The following MAST2 variants were observed in gnomAD, a reference collection of about 807,000 sequenced individuals.
MAST2 encodes microtubule-associated serine/threonine-protein kinase 2.
MAST2 carries 70 observed loss-of-function variants against 147.4 expected under a neutral mutation model. That is an observed-to-expected ratio of 0.47 (90% CI 0.39 to 0.58). MAST2 has a LOEUF of 0.58. Among genes scored for constraint, MAST2 ranks in the 20% least tolerant of loss-of-function variants. The probability of loss-of-function intolerance (pLI) is 0.00; values close to 1 mark genes in which losing one functional copy is unlikely to be tolerated. For synonymous variants in MAST2, 869 were observed against 896.8 expected (o/e 0.97, Z 0.55); for missense variants, 2,080 against 2,302.3 (o/e 0.90, Z 1.98).
Position 46,034,967 on chromosome 1 carries a change from C to T in MAST2, c.4298C>T (p.Pro1433Leu), listed in dbSNP as rs1557526524. ...TCTCGCAAGCACAGCCTTGACCTGC[C>T]CCACTCTGAACTAAAGAAGGAACTG... Reference protein sequence around the residue: ...ATSRKHSLDLPHSELKKELPP... With the variant: ...ATSRKHSLDLLHSELKKELPP... Residue 1433 changes from proline (P) to leucine (L), a missense_variant, in exon 29 of 29, where the codon CCC becomes CTC. By Grantham distance (98) the Pro-to-Leu change is moderately conservative. This residue lies in a region of MAST2 where 1,278 missense variants were observed against 1,304.2 expected (regional missense o/e 0.98). Transcript: ENST00000361297. The T allele has an allele frequency of 6.2e-7, 1 of 1,613,962 alleles. No individual in the cohort carries two copies. Among genetic ancestry groups the T allele is most frequent in the Non-Finnish European group, 8.5e-7 (1 of 1,180,042 alleles).
chr1:45,941,668 C>CTATTTGTTTTTT (rs58795618), intron 4 of MAST2, among the ~76,000 whole-genome samples: 119,538 of 151,714 alleles, frequency 0.79, 47,453 homozygotes, highest in East Asian at 0.97. Flanking sequence ...TTGTTTATTC[C>CTATTTGTTTTTT]TATTTGTTTT....
In MAST2 at chr1:46,006,384, C is replaced by T; in HGVS notation, c.891C>T (p.Ser297=). Residue 297 remains serine (S), a synonymous_variant, in exon 8 of 29, where the codon TCC becomes TCT. Coordinates refer to ENST00000361297, the MANE Select transcript of MAST2 (RefSeq NM_015112.3). ...AGTCCCCAGCCATGCGGCCTCGCTC[C>T]CGGAGCCTCAGGTGAGGGTGCTCTC... ...GRQSPAMRPR[S]RSLSPGRSPV... is the part of the protein sequence containing the mutation. 1.2e-6 allele frequency: 2 copies of T among 1,612,538 alleles called. No homozygotes were observed. Among genetic ancestry groups the T allele is most frequent in the Non-Finnish European group, 1.7e-6 (2 of 1,179,096 alleles).
intron 3 of MAST2, among the ~76,000 whole-genome samples, chr1:45,844,267 T>A (rs1471596912): frequency 6.6e-6 from 1 of 151,988 alleles, no homozygotes; most frequent in East Asian, 1.9e-4. Context: ...GCCTGGCTAA[T>A]TTTTATTTTT....
chr1:45,836,722 C>T (rs768972535), intron 3 of MAST2, among the ~76,000 whole-genome samples: 1 of 152,136 alleles, frequency 6.6e-6, no homozygotes, highest in Non-Finnish European at 1.5e-5. Flanking sequence ...ATAAAATTCA[C>T]CCGTTTTAAG....
intron 3 of MAST2, among the ~76,000 whole-genome samples, chr1:45,879,537 C>T (rs1421633327): frequency 2.1e-5 from 3 of 145,382 alleles, no homozygotes; most frequent in Non-Finnish European, 4.5e-5. Context: ...TGCACCACTG[C>T]GCTCCAGCCT....
At chr1:45,999,271 C>T (rs1467477926) in intron 6 of MAST2, among the ~76,000 whole-genome samples, 2 of 152,180 alleles carry the variant, frequency 1.3e-5, no homozygotes, top group Non-Finnish European at 2.9e-5. Flanking sequence ...GGGCTCATCT[C>T]TCCTACCCTA....
At chr1:45,955,095 T>G (rs1386116818) in intron 4 of MAST2, among the ~76,000 whole-genome samples, 1 of 139,560 alleles carries the variant, frequency 7.2e-6, no homozygotes, top group Non-Finnish European at 1.6e-5. Flanking sequence ...TATTGAGGAG[T>G]GCAGCAGTAC....
At chr1:46,003,253 A>T (rs370798017) in intron 7 of MAST2, among the ~76,000 whole-genome samples, 1 of 152,138 alleles carries the variant, frequency 6.6e-6, no homozygotes. Flanking sequence ...CACCTTTCTC[A>T]TATCTGAAGC....
intron 10 of MAST2, 90 bp downstream of exon 10, chr1:46,011,029 C>A: frequency 8.7e-7 from 1 of 1,146,166 alleles, no homozygotes; most frequent in Non-Finnish European, 1.3e-6. Context: ...TAGTGGTATT[C>A]TCAGTCTTCA....
chr1:46,024,066 G>C (rs1251663064), intron 15 of MAST2, 86 bp downstream of exon 15: 2 of 1,353,386 alleles, frequency 1.5e-6, no homozygotes, highest in African/African-American at 1.4e-5. Flanking sequence ...TTTGTACAGA[G>C]GTGAAGTTTC....
At chr1:45,855,624 T>C (rs1211793834) in intron 3 of MAST2, among the ~76,000 whole-genome samples, 1 of 151,142 alleles carries the variant, frequency 6.6e-6, no homozygotes, top group Non-Finnish European at 1.5e-5. Flanking sequence ...CTTTAAATGA[T>C]GTTGTATTTT....
intron 5 of MAST2, among the ~76,000 whole-genome samples, chr1:45,996,566 C>T (rs1571131009): frequency 6.6e-6 from 1 of 152,024 alleles, no homozygotes; most frequent in Non-Finnish European, 1.5e-5. Context: ...AGCAGATCCA[C>T]TGGATGAAGT....
chr1:46,029,923 G>C lies in MAST2; in HGVS notation c.2413G>C (p.Glu805Gln), dbSNP rs778616626. 31 of 1,614,132 alleles carry C rather than the reference G, an allele frequency of 1.9e-5. No homozygotes were observed. The highest frequency in any genetic ancestry group is 2.4e-5 in the Non-Finnish European group (28 of 1,179,968). The change falls in exon 20 of 29, where the codon GAG (glutamate) becomes CAG (glutamine). Residue 805 changes from glutamate to glutamine, a missense_variant. Coordinates refer to ENST00000361297, the MANE Select transcript of MAST2 (RefSeq NM_015112.3). ...RQKAEFIPQLESEDDTSYFDT... is the reference protein window; with the variant it reads ...RQKAEFIPQLQSEDDTSYFDT... Reference sequence around the variant, plus strand: ...GAAGGCTGAATTTATTCCTCAGTTGGAGTCAGAGGATGATACTAGCTATTT... The same window carrying C: ...GAAGGCTGAATTTATTCCTCAGTTGCAGTCAGAGGATGATACTAGCTATTT...
rs185976758 is a variant in MAST2, at chr1:45,891,273, C to T, written c.500+8878C>T. Among the ~76,000 whole-genome samples the T allele has an allele frequency of 4.3e-4, 65 of 152,240 alleles. No homozygotes were observed. In the South Asian group the frequency reaches 5.8e-3, roughly 14 times the overall value. On this transcript the variant is annotated intron_variant, in intron 4 of 28. Coordinates refer to ENST00000361297, the MANE Select transcript of MAST2 (RefSeq NM_015112.3). Reference sequence around the variant, plus strand: ...TTGGGAGGCTGAGGCAGGAAGATCACTTGAGCCCAGGAGTTTGAGCCCAGC... The same window carrying T: ...TTGGGAGGCTGAGGCAGGAAGATCATTTGAGCCCAGGAGTTTGAGCCCAGC...
At chr1:45,859,829 A>G (rs1256513975) in intron 3 of MAST2, among the ~76,000 whole-genome samples, 1 of 152,180 alleles carries the variant, frequency 6.6e-6, no homozygotes, top group Non-Finnish European at 1.5e-5. Flanking sequence ...TCTCAATACT[A>G]ATAACATAGT....
chr1:45,914,314 C>A (rs114995518), intron 4 of MAST2, among the ~76,000 whole-genome samples: 2 of 152,168 alleles, frequency 1.3e-5, no homozygotes, highest in African/African-American at 2.4e-5. Context: ...TCTGCCCTTG[C>A]AGATTCAAGC....
At chr1:45,985,199 C>A (rs1644564816) in intron 5 of MAST2, among the ~76,000 whole-genome samples, 1 of 151,744 alleles carries the variant, frequency 6.6e-6, no homozygotes, top group Non-Finnish European at 1.5e-5. Context: ...ACCTCAACCT[C>A]CTGAGAAGCT....
At chr1:45,991,986 C>T (rs1347217871) in intron 5 of MAST2, among the ~76,000 whole-genome samples, 1 of 152,126 alleles carries the variant, frequency 6.6e-6, no homozygotes, top group East Asian at 1.9e-4. Flanking sequence ...AACTCAGCCT[C>T]CGAAAGTGCC....
chr1:46,026,191 A>G (rs1329514530), intron 16 of MAST2, among the ~76,000 whole-genome samples: 2 of 152,206 alleles, frequency 1.3e-5, no homozygotes, highest in African/African-American at 2.4e-5. Flanking sequence ...GGCATGTAGA[A>G]CTTAAGTCTA....
Sources: allele counts gnomAD v4.1 joint callset (sites outside exome capture counted in the v4.1 genomes callset), GRCh38; gene constraint gnomAD v4.1.1; regional missense constraint gnomAD v4.1.1; transcripts MANE v1.5; gene names NCBI Gene and HGNC (gene_info 2026-07-23, HGNC 2026-07-21).